The following GPHN variants were observed in gnomAD, a reference collection of about 807,000 sequenced individuals.
GPHN encodes gephyrin.
Under a neutral mutation model 95.5 loss-of-function variants are expected in GPHN, and 17 were observed. The observed-to-expected ratio is 0.18, with a 90% CI of 0.12 to 0.27. The LOEUF is 0.27. GPHN is among the 10% of genes least tolerant of loss of function. The probability of loss-of-function intolerance (pLI) is 1.00; values close to 1 mark genes in which losing one functional copy is unlikely to be tolerated. For synonymous variants in GPHN, 320 were observed against 322.5 expected (o/e 0.99, Z 0.08); for missense variants, 660 against 978.1 (o/e 0.67, Z 4.34).
intron 5 of GPHN, among the ~76,000 whole-genome samples, chr14:66,902,172 G>A (rs1322116956): frequency 6.6e-6 from 1 of 151,778 alleles, no homozygotes. Flanking sequence ...TTTTTGGATT[G>A]TTCACTATTG....
At chr14:67,675,989 C>T in the GPHN span, among the ~76,000 whole-genome samples, 1 of 152,012 alleles carries the variant, frequency 6.6e-6, no homozygotes, top group Non-Finnish European at 1.5e-5. Flanking sequence ...CCCAGCTACT[C>T]GGGAGGCTGA....
At chr14:66,794,649 T>C (rs1331465683) in intron 3 of GPHN, among the ~76,000 whole-genome samples, 1 of 152,212 alleles carries the variant, frequency 6.6e-6, no homozygotes, top group Non-Finnish European at 1.5e-5. Flanking sequence ...CAGAAGTGCT[T>C]AATACTTTTT....
intron 6 of GPHN, among the ~76,000 whole-genome samples, chr14:66,919,171 A>G (rs2066072614): frequency 6.6e-6 from 1 of 152,212 alleles, no homozygotes; most frequent in South Asian, 2.1e-4. Flanking sequence ...TTATGATGGT[A>G]GTTAGAACTT....
the GPHN span, among the ~76,000 whole-genome samples, chr14:67,518,707 G>A: frequency 1.3e-5 from 2 of 152,176 alleles, no homozygotes; most frequent in Non-Finnish European, 2.9e-5. Context: ...TCCCCCATAA[G>A]TAATTTTCTT....
At chr14:67,381,082 C>T in the GPHN span, among the ~76,000 whole-genome samples, 1 of 152,078 alleles carries the variant, frequency 6.6e-6, no homozygotes, top group Non-Finnish European at 1.5e-5. Flanking sequence ...ACATACCATG[C>T]GGAATTTTCT....
intron 9 of GPHN, among the ~76,000 whole-genome samples, chr14:66,992,568 G>T (rs2071508572): frequency 6.6e-6 from 1 of 152,104 alleles, no homozygotes; most frequent in Non-Finnish European, 1.5e-5. Flanking sequence ...GGGTAACTGT[G>T]ATTTTATAGA....
chr14:66,819,264 A>G (rs988666791), intron 3 of GPHN, among the ~76,000 whole-genome samples: 2 of 152,192 alleles, frequency 1.3e-5, no homozygotes, highest in South Asian at 2.1e-4. Flanking sequence ...TAATTTTTGT[A>G]TATGGTGTAA....
At chr14:66,883,213 T>C (rs1235286870) in intron 5 of GPHN, among the ~76,000 whole-genome samples, 1 of 151,904 alleles carries the variant, frequency 6.6e-6, no homozygotes, top group East Asian at 1.9e-4. Flanking sequence ...TTAAAATCTT[T>C]TTTACTCTGT....
At chr14:66,532,308 G>A (rs903357884) in intron 1 of GPHN, among the ~76,000 whole-genome samples, 2 of 152,146 alleles carry the variant, frequency 1.3e-5, no homozygotes, top group Non-Finnish European at 2.9e-5. Flanking sequence ...CCAGGGCTTT[G>A]GTTCTCCTAC....
the GPHN span, among the ~76,000 whole-genome samples, chr14:67,517,502 A>G: frequency 2.0e-5 from 3 of 152,194 alleles, no homozygotes; most frequent in African/African-American, 7.2e-5. Context: ...TTAATATATA[A>G]TATTAATATT....
At chr14:67,627,131 G>A in the GPHN span, among the ~76,000 whole-genome samples, 54 of 152,072 alleles carry the variant, frequency 3.6e-4, no homozygotes, top group African/African-American at 1.2e-3. Flanking sequence ...AGGTAGTGTC[G>A]ATGGCTGCAC....
chr14:66,864,758 G>A (rs1038182835), intron 4 of GPHN, among the ~76,000 whole-genome samples: 3 of 150,240 alleles, frequency 2.0e-5, no homozygotes, highest in African/African-American at 5.0e-5. Context: ...GGGCAACAGA[G>A]CGAGACTCTG....
chr14:67,473,393 T>A, the GPHN span: 1 of 1,606,730 alleles, frequency 6.2e-7, no homozygotes, highest in Non-Finnish European at 8.5e-7. This position sits in a 1 kb window ranked among gnomAD's most constrained non-coding sequence, Gnocchi z 6.5. Context: ...CCATGAGAGA[T>A]CCCCAGGCCC....
the GPHN span, chr14:67,692,966 C>T: frequency 6.2e-7 from 1 of 1,613,868 alleles, no homozygotes. Context: ...TGTCTCCTTC[C>T]CGATACCTGT....
the GPHN span, chr14:67,393,301 G>A: frequency 4.2e-5 from 48 of 1,145,914 alleles, no homozygotes; most frequent in Non-Finnish European, 5.7e-5. Flanking sequence ...GTATAAGGGA[G>A]GGTCCTGAGT....
chr14:67,424,147 G>A, the GPHN span, among the ~76,000 whole-genome samples: 2 of 152,178 alleles, frequency 1.3e-5, no homozygotes, highest in Non-Finnish European at 2.9e-5. Flanking sequence ...GGCTGAGGCA[G>A]GAGAATCACT....
chr14:67,416,072 T>C, the GPHN span, among the ~76,000 whole-genome samples: 1 of 152,342 alleles, frequency 6.6e-6, no homozygotes, highest in South Asian at 2.1e-4. Flanking sequence ...CAAACCACCA[T>C]GGCACACATT....
chr14:67,621,439 T>C, the GPHN span, among the ~76,000 whole-genome samples: 1 of 152,076 alleles, frequency 6.6e-6, no homozygotes, highest in Non-Finnish European at 1.5e-5. Flanking sequence ...GGCTTAGATC[T>C]ATATTTTCCG....
rs527719790 is a variant in GPHN, at chr14:66,746,600, AACAACTTTATGTAGTTGCTTTCCTGGTC to A, written c.144-29863_144-29836del. On this transcript the variant is annotated intron_variant, in intron 2 of 22. Coordinates refer to ENST00000478722, the MANE Select transcript of GPHN (RefSeq NM_020806.5). ...AGATCCAGGGTGAGTAAAAGTTCAA[AACAACTTTATGTAGTTGCTTTCCTGGTC>A]TCCCTTCCCTAAGTACTTTCTACTT... is the stretch of plus-strand genomic sequence containing the variant. 6.3e-3 allele frequency among the ~76,000 whole-genome samples: 955 copies of A among 152,218 alleles called. 13 individuals are homozygous for A. Among genetic ancestry groups the A allele is most frequent in the African/African-American group, 0.022 (910 of 41,506 alleles).
Sources: allele counts gnomAD v4.1 joint callset (sites outside exome capture counted in the v4.1 genomes callset), GRCh38; gene constraint gnomAD v4.1.1; non-coding constraint Gnocchi (gnomAD v3.1); transcripts MANE v1.5; gene names NCBI Gene and HGNC (gene_info 2026-07-23, HGNC 2026-07-21).